Variants in TMTC4 observed in about 807,000 individuals in gnomAD.
TMTC4 encodes protein O-mannosyl-transferase TMTC4.
A neutral mutation model predicts 86.0 loss-of-function variants in TMTC4; 65 were observed. The observed-to-expected ratio is 0.76, with a 90% confidence interval of 0.62 to 0.93. The LOEUF is 0.93. TMTC4 is among the 40% of genes least tolerant of loss of function. The probability of loss-of-function intolerance (pLI) is 0.00; values close to 1 mark genes in which losing one functional copy is unlikely to be tolerated. For synonymous variants in TMTC4, 379 were observed against 382.5 expected (o/e 0.99, Z 0.11); for missense variants, 866 against 948.1 (o/e 0.91, Z 1.14).
At chr13:100,668,858 C>A in intron 2 of TMTC4, 64 bp from the exon 3 acceptor site, 2 of 1,486,612 alleles carry the variant, frequency 1.3e-6, no homozygotes, top group Non-Finnish European at 1.9e-6. Context: ...CTGCAGTGGG[C>A]ACCGTGAGTA....
intron 1 of TMTC4, among the ~76,000 whole-genome samples, chr13:100,671,585 C>T (rs1014521663): frequency 2.0e-5 from 3 of 152,182 alleles, no homozygotes; most frequent in African/African-American, 7.2e-5. Context: ...AAGTGGATGG[C>T]TGACTCAGTG....
chr13:100,605,443 C>T lies in TMTC4; in HGVS notation c.2135-301G>A, dbSNP rs1876435476. Among the ~76,000 whole-genome samples the T allele has an allele frequency of 6.6e-6, 1 of 152,122 alleles. No individual in the cohort carries two copies. Among genetic ancestry groups the T allele is most frequent in the African/African-American group, 2.4e-5 (1 of 41,428 alleles). On this transcript the variant is annotated intron_variant, in intron 18 of 18. Coordinates refer to ENST00000342624, the MANE Select transcript of TMTC4 (RefSeq NM_032813.5). This position sits in a 1 kb window ranked among gnomAD's most constrained non-coding sequence, Gnocchi z 4.3. ...AGTACATGCAATGTCTTAGTGCTGC[C>T]ATGAAATTTCCAGGAAGCAAGGCTG...
At chr13:100,614,480 T>A in intron 15 of TMTC4, 50 bp from the exon 16 acceptor site, 3 of 1,288,692 alleles carry the variant, frequency 2.3e-6, no homozygotes, top group Non-Finnish European at 3.3e-6. Flanking sequence ...TCCTGCTTCC[T>A]CTTTCCAAGA....
chr13:100,612,228 C>G (rs1411226287), intron 17 of TMTC4, among the ~76,000 whole-genome samples, 170 bp downstream of exon 17: 11 of 152,268 alleles, frequency 7.2e-5, no homozygotes, highest in Admixed American at 2.0e-4. Context: ...TGGCCCCACA[C>G]CGCTGTCTTT....
At chr13:100,645,516 C>CCGGTT (rs1199601864) in intron 6 of TMTC4, among the ~76,000 whole-genome samples, 2 of 151,984 alleles carry the variant, frequency 1.3e-5, no homozygotes, top group Non-Finnish European at 2.9e-5. Flanking sequence ...GCAGGTAAGC[C>CCGGTT]CGGTTCACCT....
Position 100,664,340 on chromosome 13 carries a change from C to T in TMTC4, c.220-4G>A. The T allele has an allele frequency of 6.2e-7, 1 of 1,601,738 alleles. No homozygotes were observed. The highest frequency in any genetic ancestry group is 8.5e-7 in the Non-Finnish European group (1 of 1,173,804). On this transcript the variant is annotated splice_polypyrimidine_tract_variant and splice_region_variant and intron_variant, in intron 3 of 18. Transcript: ENST00000342624. ...GGGGCGTTTCTGCTTGGAGGTCCTG[C>T]AGGGTCACAAAGGGGATGTTCTGGA...
chr13:100,672,438 A>G (rs1322441851), intron 1 of TMTC4, among the ~76,000 whole-genome samples: 1 of 152,148 alleles, frequency 6.6e-6, no homozygotes, highest in African/African-American at 2.4e-5. Context: ...CACTCAGTTA[A>G]AAGAAGCCCT....
Position 100,614,894 on chromosome 13 carries a change from A to G in TMTC4, c.1837-464T>C, listed in dbSNP as rs1878230316. 3 of 984,684 alleles carry G rather than the reference A, an allele frequency of 3.0e-6. No homozygotes were observed. In the South Asian group the frequency reaches 1.4e-4, roughly 46 times the overall value. The allele number at this position is 984,684 out of a possible 1,614,324, so 61.0% of individuals were successfully genotyped here. A position where few individuals can be genotyped will look rare whatever the true frequency, so the allele number is the denominator to read the frequency against. On this transcript the variant is annotated intron_variant, in intron 15 of 18. Coordinates refer to ENST00000342624, the MANE Select transcript of TMTC4 (RefSeq NM_032813.5). ...TATTACTTAGAATAGTGAACAAAGT[A>G]TTTCTCATGATCAAAAGCTATGTGT...
At chr13:100,675,064 G>T (rs1314110068), upstream of TMTC4, 3 of 985,564 alleles carry the variant, frequency 3.0e-6, no homozygotes, top group African/African-American at 3.5e-5. Flanking sequence ...AGGGACAGAC[G>T]GACCCGGCGG....
chr13:100,618,540 G>C (rs1878923958), intron 15 of TMTC4, among the ~76,000 whole-genome samples: 1 of 150,804 alleles, frequency 6.6e-6, no homozygotes, highest in Non-Finnish European at 1.5e-5. Flanking sequence ...CTCGCAGAGG[G>C]GGATTTGGCA....
rs11840411 is a variant in TMTC4 at position 100,605,194 on chromosome 13, G to T, written c.2135-52C>A. On this transcript the variant is annotated intron_variant, in intron 18 of 18. Transcript: ENST00000342624. The surrounding 1 kb of genome is among the most constrained non-coding windows in gnomAD (Gnocchi z 4.3). ...TGGGAATGCTTCTGAGTAACGTGCC[G>T]TATTCCTACCCTCTTGGACAAAGAA... The T allele has an allele frequency of 3.8e-3, 6,049 of 1,572,452 alleles. 205 individuals are homozygous for T. The African/African-American group carries it at 0.071, about 19-fold the overall frequency.
At position 100,614,268 on chromosome 13, in the gene TMTC4, T is replaced by A. The variant is rs759632001; in HGVS notation, c.1951+48A>T. 4 of 1,420,674 alleles carry A rather than the reference T, an allele frequency of 2.8e-6. No individual in the cohort carries two copies. In the South Asian group the frequency reaches 5.0e-5, roughly 18 times the overall value. 88.0% of individuals were successfully genotyped at this position (1,420,674 alleles called of 1,614,324 possible). A position where few individuals can be genotyped will look rare whatever the true frequency, so the allele number is the denominator to read the frequency against. On this transcript the variant is annotated intron_variant, in intron 16 of 18. Coordinates refer to ENST00000342624, the MANE Select transcript of TMTC4 (RefSeq NM_032813.5). ...TATTTCCTAAGTCTTCGGTGGCATT[T>A]TACTGTGGAGCCATTTCCTGTGATT...
chr13:100,611,059 T>TATA (rs765705269), intron 17 of TMTC4, among the ~76,000 whole-genome samples: 1 of 152,244 alleles, frequency 6.6e-6, no homozygotes, highest in Non-Finnish European at 1.5e-5. Context: ...CATGAAATTA[T>TATA]CTTACCATTG....
rs757858517 is a variant in TMTC4, at chr13:100,612,442, TGAGA to T, written c.2016_2019del (p.Leu673CysfsTer48). ...CCCAGCACGTTTGCCAACGAGAACA[TGAGA>T]GAGTGATCATTAGGTATTAATTCCA... On this transcript the variant is annotated frameshift_variant, in exon 17 of 19. Transcript: ENST00000342624. LOFTEE classifies it high-confidence loss of function. The T allele has an allele frequency of 3.7e-6, 6 of 1,610,954 alleles. No individual in the cohort carries two copies. Among genetic ancestry groups the T allele is most frequent in the Non-Finnish European group, 3.4e-6 (4 of 1,178,782 alleles).
At chr13:100,631,504 G>T (rs978164170) in intron 12 of TMTC4, among the ~76,000 whole-genome samples, 1 of 152,118 alleles carries the variant, frequency 6.6e-6, no homozygotes, top group Admixed American at 6.5e-5. Flanking sequence ...AGTATACTTG[G>T]TATCTCATCC....
chr13:100,635,326 C>T, intron 10 of TMTC4, 131 bp from the exon 11 acceptor site: 1 of 1,039,544 alleles, frequency 9.6e-7, no homozygotes, highest in Non-Finnish European at 1.4e-6. Context: ...ATATTGTTGT[C>T]AGCCAAAGGA....
intron 3 of TMTC4, among the ~76,000 whole-genome samples, chr13:100,666,799 G>T (rs1164898369): frequency 6.6e-6 from 1 of 152,172 alleles, no homozygotes; most frequent in Non-Finnish European, 1.5e-5. Flanking sequence ...GATCAACCAG[G>T]CAACACAGTG....
At chr13:100,606,692 C>G (rs2153020669) in intron 17 of TMTC4, among the ~76,000 whole-genome samples, 1 of 152,316 alleles carries the variant, frequency 6.6e-6, no homozygotes, top group Middle Eastern at 3.4e-3. Flanking sequence ...GGTTGGACTT[C>G]TGTAATGTTA....
chr13:100,621,263 C>G (rs1879426812), intron 15 of TMTC4, among the ~76,000 whole-genome samples: 1 of 152,132 alleles, frequency 6.6e-6, no homozygotes, highest in Non-Finnish European at 1.5e-5. Flanking sequence ...TCCCAAGGAA[C>G]TGCAGTGACG....
Sources: allele counts gnomAD v4.1 joint callset (sites outside exome capture counted in the v4.1 genomes callset), GRCh38; gene constraint gnomAD v4.1.1; non-coding constraint Gnocchi (gnomAD v3.1); transcripts MANE v1.5; gene names NCBI Gene and HGNC (gene_info 2026-07-23, HGNC 2026-07-21).